Variants in KCNQ1 observed in about 807,000 individuals in gnomAD.
The protein encoded by KCNQ1 is potassium voltage-gated channel subfamily KQT member 1.
KCNQ1 carries 49 observed loss-of-function variants against 72.4 expected under a neutral mutation model. That is an observed-to-expected ratio of 0.68 (90% CI 0.54 to 0.86). The LOEUF (loss-of-function observed/expected upper bound fraction) is 0.86, where lower values mean the gene tolerates loss of function less well. Among genes scored for constraint, KCNQ1 ranks in the 40% least tolerant of loss-of-function variants. The probability of loss-of-function intolerance (pLI) is 0.00; values close to 1 mark genes in which losing one functional copy is unlikely to be tolerated. For missense variants in KCNQ1, 790 were observed against 945.1 expected, an observed-to-expected ratio of 0.84 and a Z score of 2.15; for synonymous variants, 450 against 412.6, an observed-to-expected ratio of 1.09 and a Z score of -1.10.
rs960211380 is a variant in KCNQ1 at position 2,703,076 on chromosome 11, C to T, written c.1514+40995C>T. On this transcript the variant is annotated intron_variant, in intron 11 of 15. Coordinates refer to ENST00000155840, the MANE Select transcript of KCNQ1 (RefSeq NM_000218.3). This position sits in a 1 kb window ranked among gnomAD's most constrained non-coding sequence, Gnocchi z 6.4. ...GAATTGGCTAGAGAAGCATGTGAGG[C>T]TGGGCGGACTCCAGGCCAGCCCCAG... is the stretch of plus-strand genomic sequence containing the variant. Among the ~76,000 whole-genome samples the T allele has an allele frequency of 2.6e-5, 4 of 152,178 alleles. No homozygotes were observed. The highest frequency in any genetic ancestry group is 2.9e-5 in the Non-Finnish European group (2 of 68,020).
chr11:2,505,457 C>T (rs1173161476), intron 1 of KCNQ1, among the ~76,000 whole-genome samples: 2 of 152,070 alleles, frequency 1.3e-5, no homozygotes, highest in Non-Finnish European at 2.9e-5. Context: ...GGTCATGGGT[C>T]GAGTGTTCTC....
At chr11:2,839,698 A>G (rs1315614198) in intron 15 of KCNQ1, 2 of 152,190 alleles carry the variant, frequency 1.3e-5, no homozygotes, top group African/African-American at 4.8e-5. Flanking sequence ...CGTGGTGCGG[A>G]CTTTGTTGTT....
At position 2,676,246 on chromosome 11, in the gene KCNQ1, T is replaced by C. The variant is rs185523286; in HGVS notation, c.1514+14165T>C. ...TGCTGATTTATTATGGTGCAGTACATCTGAGAAGCATTTTTATTGCAAAAT... is the reference window on the plus strand; with the variant it reads ...TGCTGATTTATTATGGTGCAGTACACCTGAGAAGCATTTTTATTGCAAAAT... On this transcript the variant is annotated intron_variant, in intron 11 of 15. Transcript: ENST00000155840. This position sits in a 1 kb window ranked among gnomAD's most constrained non-coding sequence, Gnocchi z 4.2. 7.5e-5 allele frequency: 30 copies of C among 398,682 alleles called. No homozygotes were observed. In the Admixed American group the frequency reaches 1.1e-3, roughly 15 times the overall value. 24.7% of individuals were successfully genotyped at this position (398,682 alleles called of 1,614,324 possible). A position where few individuals can be genotyped will look rare whatever the true frequency, so the allele number is the denominator to read the frequency against.
rs1235644017 is a variant in KCNQ1 at position 2,750,473 on chromosome 11, G to T, written c.1515-18371G>T. On this transcript the variant is annotated intron_variant, in intron 11 of 15. Transcript: ENST00000155840. This position sits in a 1 kb window ranked among gnomAD's most constrained non-coding sequence, Gnocchi z 6.3. ...AAGCTCCAAGTTCTCTGGCTCCCAG[G>T]GTCTGTGTGGAATCCACCGGTTTCA... is the stretch of plus-strand genomic sequence containing the variant. 6.6e-6 allele frequency among the ~76,000 whole-genome samples: 1 copy of T among 152,148 alleles called. No homozygotes were observed. The highest frequency in any genetic ancestry group is 1.9e-4 in the East Asian group (1 of 5,186).
chr11:2,842,252 C>T (rs1177541514), intron 15 of KCNQ1, among the ~76,000 whole-genome samples: 2 of 152,238 alleles, frequency 1.3e-5, no homozygotes, highest in Non-Finnish European at 2.9e-5. Context: ...GACTCACACA[C>T]AGCCTGGACA....
chr11:2,561,810 C>T (rs935041793), intron 2 of KCNQ1, among the ~76,000 whole-genome samples: 2 of 152,236 alleles, frequency 1.3e-5, no homozygotes, highest in African/African-American at 2.4e-5. Flanking sequence ...CCCAGAAGCC[C>T]TCCCCTCCGA....
chr11:2,794,923 G>T (rs1463649969), intron 15 of KCNQ1, among the ~76,000 whole-genome samples: 1 of 152,182 alleles, frequency 6.6e-6, no homozygotes, highest in Non-Finnish European at 1.5e-5. Context: ...AATGTACAGA[G>T]ACCAGGCCCA....
chr11:2,662,306 T>C (rs1189666138), intron 11 of KCNQ1: 14 of 601,296 alleles, frequency 2.3e-5, no homozygotes, highest in Middle Eastern at 4.4e-4. Flanking sequence ...TTTTGACTTA[T>C]GGAAAACCAG....
chr11:2,678,649 C>T lies in KCNQ1; in HGVS notation c.1514+16568C>T. On this transcript the variant is annotated intron_variant, in intron 11 of 15. Coordinates refer to ENST00000155840, the MANE Select transcript of KCNQ1 (RefSeq NM_000218.3). The surrounding 1 kb of genome is among the most constrained non-coding windows in gnomAD (Gnocchi z 4.9). Reference sequence around the variant, plus strand: ...GAGCCAATAATGGGAAGCTCATTTTCACAAATGCAGTCAACCAGGGGAATT... The same window carrying T: ...GAGCCAATAATGGGAAGCTCATTTTTACAAATGCAGTCAACCAGGGGAATT... 2.5e-6 allele frequency: 1 copy of T among 395,182 alleles called. No homozygotes were observed. The highest frequency in any genetic ancestry group is 4.4e-6 in the Non-Finnish European group (1 of 225,496). The allele number at this position is 395,182 out of a possible 1,614,324, so 24.5% of individuals were successfully genotyped here.
chr11:2,527,725 C>T (rs1237793929), intron 1 of KCNQ1, among the ~76,000 whole-genome samples: 3 of 152,236 alleles, frequency 2.0e-5, no homozygotes, highest in African/African-American at 7.2e-5. Flanking sequence ...GTTGGTGCTT[C>T]GTCCCTTCCC....
rs566952833 is a variant in KCNQ1, at chr11:2,806,449, G to A, written c.1794+28412G>A. On this transcript the variant is annotated intron_variant, in intron 15 of 15. Transcript: ENST00000155840. ...GTGCCCAGTGAAGCCTGGCTTCCTT[G>A]TCTGTGGTGCCAGCCATGTGGGAGG... 8.5e-5 allele frequency among the ~76,000 whole-genome samples: 13 copies of A among 152,326 alleles called. No individual in the cohort carries two copies. In the South Asian group the frequency reaches 2.7e-3, roughly 32 times the overall value.
intron 1 of KCNQ1, among the ~76,000 whole-genome samples, chr11:2,459,393 A>C (rs1846241754): frequency 6.6e-6 from 1 of 152,208 alleles, no homozygotes; most frequent in African/African-American, 2.4e-5. Context: ...CCTAGAGGAC[A>C]ACCCCATGTA....
rs915343587 is a variant in KCNQ1 at position 2,509,722 on chromosome 11, C to A, written c.387-18206C>A. ...AACTGTCTGGGACTGGGCCAGGAGA[C>A]AGTCCTGGGATAGGGAAAGAAAAGA... On this transcript the variant is annotated intron_variant, in intron 1 of 15. Coordinates refer to ENST00000155840, the MANE Select transcript of KCNQ1 (RefSeq NM_000218.3). The surrounding 1 kb of genome is among the most constrained non-coding windows in gnomAD (Gnocchi z 6.3). Among the ~76,000 whole-genome samples the A allele has an allele frequency of 1.3e-5, 2 of 151,996 alleles. No homozygotes were observed. The highest frequency in any genetic ancestry group is 2.9e-5 in the Non-Finnish European group (2 of 68,010).
In KCNQ1 at chr11:2,826,504, G is replaced by A. The variant is rs1044076018; in HGVS notation, c.1795-21263G>A. Among the ~76,000 whole-genome samples the A allele has an allele frequency of 2.6e-5, 4 of 152,220 alleles. No homozygotes were observed. The highest frequency in any genetic ancestry group is 4.4e-5 in the Non-Finnish European group (3 of 68,034). On this transcript the variant is annotated intron_variant, in intron 15 of 15. Coordinates refer to ENST00000155840, the MANE Select transcript of KCNQ1 (RefSeq NM_000218.3). The surrounding 1 kb of genome is among the most constrained non-coding windows in gnomAD (Gnocchi z 4.2). The stretch of plus-strand genomic sequence containing the variant: ...GACCCGGCGTTGGGTGCGCCAGGCC[G>A]GTGTGGGAGCACTTTCCCCCGCCCC...
At chr11:2,643,011 T>C (rs936442125) in intron 10 of KCNQ1, 4 of 397,868 alleles carry the variant, frequency 1.0e-5, no homozygotes, top group African/African-American at 4.1e-5. Flanking sequence ...TATTGTGGTC[T>C]GAGAAGATAT....
At chr11:2,575,312 C>T (rs981957346) in intron 6 of KCNQ1, among the ~76,000 whole-genome samples, 41 of 152,276 alleles carry the variant, frequency 2.7e-4, no homozygotes, top group Admixed American at 1.0e-3. Context: ...TCGGCCATCG[C>T]GCGCCCTGGC....
chr11:2,530,695 G>GT (rs1275532164), intron 2 of KCNQ1, among the ~76,000 whole-genome samples: 1 of 152,206 alleles, frequency 6.6e-6, no homozygotes, highest in Non-Finnish European at 1.5e-5. Flanking sequence ...CTGTTTCAAT[G>GT]TGTGTACATG....
At chr11:2,584,968 G>A (rs1301015954) in intron 7 of KCNQ1, among the ~76,000 whole-genome samples, 1 of 152,210 alleles carries the variant, frequency 6.6e-6, no homozygotes, top group African/African-American at 2.4e-5. Flanking sequence ...CTGGGAATGG[G>A]TTAGAGCGGC....
In KCNQ1 at chr11:2,571,273, G is replaced by T. The variant is rs1204678050; in HGVS notation, c.605-52G>T. ...AGAGCAGGGTGTATGCTCTTCCCTG[G>T]GGCCCTGGCTGTGGCGATCACGAAA... On this transcript the variant is annotated intron_variant, in intron 3 of 15. Transcript: ENST00000155840. The T allele has an allele frequency of 4.8e-6, 7 of 1,448,852 alleles. No individual in the cohort carries two copies. In the African/African-American group the frequency reaches 9.8e-5, roughly 20 times the overall value. The allele number at this position is 1,448,852 out of a possible 1,614,324, so 89.7% of individuals were successfully genotyped here.
Sources: gnomAD v4.1 joint callset for allele counts (sites outside exome capture counted in the v4.1 genomes callset) on GRCh38, gnomAD v4.1.1 for gene constraint, Gnocchi (gnomAD v3.1) non-coding constraint, MANE v1.5 for transcripts, NCBI Gene and HGNC (gene_info 2026-07-23, HGNC 2026-07-21) for gene names.